CCND3: variants seen among roughly 807,000 people sequenced by gnomAD.
CCND3 encodes the protein G1/S-specific cyclin-D3.
A neutral mutation model predicts 28.7 loss-of-function variants in CCND3; 9 were observed. The ratio of observed to expected loss-of-function variants is 0.31; its 90% CI spans 0.19 to 0.55. The LOEUF is 0.55. Among genes scored for constraint, CCND3 ranks in the 20% least tolerant of loss-of-function variants. The probability of loss-of-function intolerance (pLI) is 0.93; values close to 1 mark genes in which losing one functional copy is unlikely to be tolerated. For synonymous variants in CCND3, 164 were observed against 163.9 expected, an observed-to-expected ratio of 1.00 and a Z score of 0.00; for missense variants, 315 against 385.8, an observed-to-expected ratio of 0.82 and a Z score of 1.54.
intron 1 of CCND3, among the ~76,000 whole-genome samples, chr6:41,967,144 C>T (rs1031870478): frequency 6.6e-6 from 1 of 152,122 alleles, no homozygotes; most frequent in Non-Finnish European, 1.5e-5. Flanking sequence ...CTTTGTCTCA[C>T]CTCTGGTTTC....
rs118014849 is a variant in CCND3, at chr6:41,947,794, T to C, written c.-45-7209A>G. On this transcript the variant is annotated intron_variant, in intron 1 of 4. Transcript: ENST00000372988. ...ACCCCCCGGTCCGAGTTGCATCATC[T>C]CTTACCTGGATTACAGTGGTAGCCT... Among the ~76,000 whole-genome samples, 49 of 152,170 alleles carry C rather than the reference T, an allele frequency of 3.2e-4. No individual in the cohort carries two copies. The East Asian group carries it at 7.3e-3, about 23-fold the overall frequency.
intron 1 of CCND3, among the ~76,000 whole-genome samples, chr6:42,044,178 C>G (rs919802501): frequency 2.0e-5 from 3 of 152,244 alleles, no homozygotes; most frequent in African/African-American, 7.2e-5. Flanking sequence ...GAGGCGGAGG[C>G]CTGCACGTTC....
chr6:41,961,792 C>T (rs1185769719), intron 1 of CCND3, among the ~76,000 whole-genome samples: 1 of 152,122 alleles, frequency 6.6e-6, no homozygotes, highest in Non-Finnish European at 1.5e-5. Context: ...ACACCCGGTA[C>T]CTCAAACTCA....
intron 1 of CCND3, among the ~76,000 whole-genome samples, chr6:41,947,690 C>T (rs1776204196): frequency 6.6e-6 from 1 of 152,204 alleles, no homozygotes; most frequent in South Asian, 2.1e-4. Context: ...TCCCCCACAT[C>T]CAACCTGCGA....
rs114015578 is a variant in CCND3, at chr6:42,036,592, C to A, written c.-46+11909G>T. On this transcript the variant is annotated intron_variant, in intron 1 of 4. Transcript: ENST00000372988. The stretch of plus-strand genomic sequence containing the variant: ...CTAAGTTTTGGGTCTTTTGTAGAGA[C>A]AAAATTTTGCCATGTTGTCTAGGCT... Among the ~76,000 whole-genome samples, 823 of 150,144 alleles carry A rather than the reference C, an allele frequency of 5.5e-3. 5 individuals carry two copies. The highest frequency in any genetic ancestry group is 0.019 in the African/African-American group (771 of 40,780).
intron 1 of CCND3, among the ~76,000 whole-genome samples, chr6:42,038,030 C>CA (rs11286915): frequency 5.7e-4 from 49 of 85,856 alleles, no homozygotes; most frequent in East Asian, 2.2e-3. Context: ...GACTCGGTCT[C>CA]AAAAAAAAAA....
chr6:42,018,023 C>T (rs1199749849), intron 1 of CCND3, among the ~76,000 whole-genome samples: 2 of 151,678 alleles, frequency 1.3e-5, no homozygotes, highest in Non-Finnish European at 2.9e-5. Flanking sequence ...GTGGCACATG[C>T]CTGTAGTCCC....
intron 1 of CCND3, among the ~76,000 whole-genome samples, chr6:41,973,118 CTG>C (rs1762079687): frequency 6.6e-6 from 1 of 152,120 alleles, no homozygotes; most frequent in African/African-American, 2.4e-5. Context: ...ACAGTTATTT[CTG>C]AAATGCATCC....
chr6:42,037,487 G>A lies in CCND3; in HGVS notation c.-46+11014C>T, dbSNP rs374012086. ...CTCGACCTTGTGATCCGCCCGCCTC[G>A]GCCTCCCAAAGTGCTGGGATTACAG... On this transcript the variant is annotated intron_variant, in intron 1 of 4. Coordinates refer to the CCND3 transcript ENST00000372988. Among the ~76,000 whole-genome samples the A allele has an allele frequency of 1.4e-4, 21 of 151,640 alleles. No individual in the cohort carries two copies. In the East Asian group the frequency reaches 4.1e-3, roughly 30 times the overall value.
At chr6:41,979,330 G>C (rs949282260) in intron 1 of CCND3, among the ~76,000 whole-genome samples, 1 of 151,612 alleles carries the variant, frequency 6.6e-6, no homozygotes, top group Non-Finnish European at 1.5e-5. Flanking sequence ...TCAGGAGATC[G>C]AGACCATCCT....
rs964840419 is a variant in CCND3 at position 42,047,449 on chromosome 6, T to C, written c.-46+1052A>G. Among the ~76,000 whole-genome samples, 13 of 152,190 alleles carry C rather than the reference T, an allele frequency of 8.5e-5. 1 individual carries two copies. Among genetic ancestry groups the C allele is most frequent in the African/African-American group, 2.9e-4 (12 of 41,438 alleles). ...GGAGATCCACTTCTCTATCCACGTC[T>C]GGTCCCAAAGAGAAATGAGGTGGTA... On this transcript the variant is annotated intron_variant, in intron 1 of 4. Transcript: ENST00000372988.
chr6:42,008,527 A>C (rs889712741), intron 1 of CCND3, among the ~76,000 whole-genome samples: 2 of 152,176 alleles, frequency 1.3e-5, no homozygotes, highest in Admixed American at 6.6e-5. Context: ...TTTTACTTGC[A>C]GTGCATTCAT....
intron 1 of CCND3, among the ~76,000 whole-genome samples, chr6:41,999,292 G>A (rs1051898775): frequency 7.9e-5 from 12 of 151,884 alleles, no homozygotes; most frequent in African/African-American, 1.9e-4. Context: ...CTTGCTGCCC[G>A]GGCTGGAGTG....
intron 1 of CCND3, among the ~76,000 whole-genome samples, chr6:41,985,154 G>A (rs1221185872): frequency 6.6e-6 from 1 of 151,922 alleles, no homozygotes; most frequent in African/African-American, 2.4e-5. Flanking sequence ...TTAGTTTGAT[G>A]CAATCCCATT....
chr6:42,045,161 C>T (rs1330941127), intron 1 of CCND3, among the ~76,000 whole-genome samples: 2 of 152,032 alleles, frequency 1.3e-5, no homozygotes, highest in Non-Finnish European at 2.9e-5. Context: ...CTATCCCTCT[C>T]CCATACTAGC....
chr6:42,012,297 T>G (rs1296136600), intron 1 of CCND3, among the ~76,000 whole-genome samples: 2 of 152,030 alleles, frequency 1.3e-5, no homozygotes, highest in Non-Finnish European at 1.5e-5. Flanking sequence ...TCCCAGCTAC[T>G]TGGGAGGCTG....
At chr6:41,976,496 T>G (rs553291363) in intron 1 of CCND3, among the ~76,000 whole-genome samples, 1 of 151,796 alleles carries the variant, frequency 6.6e-6, no homozygotes, top group Admixed American at 6.6e-5. Flanking sequence ...CCATGAAAAC[T>G]TCAAAAATTA....
Position 41,941,620 on chromosome 6 carries a change from C to T in CCND3, c.30G>A (p.Arg10=), listed in dbSNP as rs545054088. The change falls in exon 1 of 5, where the codon CGG becomes CGA. Residue 10 remains arginine, a synonymous_variant. Transcript: ENST00000372991. The surrounding 1 kb of genome is among the most constrained non-coding windows in gnomAD (Gnocchi z 6.1). The part of the protein sequence containing the change: MELLCCEGT[R]HAPRAGPDPR... ...GGTCCGGCCCGGCCCGGGGCGCGTG[C>T]CGGGTGCCTTCGCAACACAGCAGCT... The T allele has an allele frequency of 1.5e-4, 226 of 1,517,340 alleles. 5 individuals are homozygous for T. The South Asian group carries it at 2.6e-3, about 18-fold the overall frequency. 94.0% of individuals were successfully genotyped at this position (1,517,340 alleles called of 1,614,324 possible). A position where few individuals can be genotyped will look rare whatever the true frequency, so the allele number is the denominator to read the frequency against.
chr6:41,952,072 T>C (rs1294816712), intron 1 of CCND3, among the ~76,000 whole-genome samples: 2 of 152,140 alleles, frequency 1.3e-5, no homozygotes, highest in Non-Finnish European at 2.9e-5. Flanking sequence ...TAGATCCCAC[T>C]TGTTAAGTGC....
Sources: gnomAD v4.1 joint callset for allele counts (sites outside exome capture counted in the v4.1 genomes callset) on GRCh38, gnomAD v4.1.1 for gene constraint, Gnocchi (gnomAD v3.1) non-coding constraint, MANE v1.5 for transcripts, NCBI Gene and HGNC (gene_info 2026-07-23, HGNC 2026-07-21) for gene names.